The following ZNF879 variants were observed in gnomAD, a reference collection of about 807,000 sequenced individuals.
The protein encoded by ZNF879 is zinc finger protein 879.
A neutral mutation model predicts 44.3 loss-of-function variants in ZNF879; 32 were observed. The observed-to-expected ratio is 0.72, with a 90% CI of 0.54 to 0.97. ZNF879 has a LOEUF of 0.97. Among genes scored for constraint, ZNF879 ranks in the 50% least tolerant of loss-of-function variants. The probability of loss-of-function intolerance (pLI) is 0.00; values close to 1 mark genes in which losing one functional copy is unlikely to be tolerated. For synonymous variants in ZNF879, 234 were observed against 233.2 expected (o/e 1.00, Z -0.03); for missense variants, 621 against 669.7 (o/e 0.93, Z 0.80).
At chr5:179,025,413 C>T (rs1761236268) in intron 2 of ZNF879, among the ~76,000 whole-genome samples, 1 of 151,962 alleles carries the variant, frequency 6.6e-6, no homozygotes, top group South Asian at 2.1e-4. Flanking sequence ...TGGTCTTGAA[C>T]TCCTGACCTC....
chr5:179,025,126 G>A, intron 2 of ZNF879, 89 bp downstream of exon 2: 2 of 1,431,598 alleles, frequency 1.4e-6, no homozygotes, highest in Non-Finnish European at 1.9e-6. Flanking sequence ...TCTACCCAGT[G>A]AAGCTCAGGG....
chr5:179,031,174 A>G lies in ZNF879; in HGVS notation c.257-1031A>G, dbSNP rs142491827. Among the ~76,000 whole-genome samples the G allele has an allele frequency of 1.8e-3, 272 of 152,262 alleles. 1 individual carries two copies. Among genetic ancestry groups the G allele is most frequent in the African/African-American group, 6.2e-3 (256 of 41,532 alleles). ...CCGGCCCCATTACAGTTTGTTTTTCATATAGCAACCAGAGTGATCCTTTTT... is the reference window on the plus strand; with the variant it reads ...CCGGCCCCATTACAGTTTGTTTTTCGTATAGCAACCAGAGTGATCCTTTTT... On this transcript the variant is annotated intron_variant, in intron 4 of 4. Transcript: ENST00000444149.
In ZNF879 at chr5:179,028,039, C is replaced by CT; in HGVS notation, c.172dup (p.Ser58PhefsTer40). 1 of 1,551,522 alleles carries CT rather than the reference C, an allele frequency of 6.4e-7. No homozygotes were observed. The highest frequency in any genetic ancestry group is 8.7e-7 in the Non-Finnish European group (1 of 1,146,924). ...TTTCTTGTTCATGAACAGGGATTCTCTTTTCCAAGCCAAAGGTCATCTCCC... is the reference window on the plus strand; with the variant it reads ...TTTCTTGTTCATGAACAGGGATTCTCTTTTTCCAAGCCAAAGGTCATCTCCC... On this transcript the variant is annotated frameshift_variant, in exon 4 of 5. Coordinates refer to ENST00000444149, the MANE Select transcript of ZNF879 (RefSeq NM_001136116.3). LOFTEE classifies it high-confidence loss of function.
chr5:179,023,994 T>C (rs6859576), intron 1 of ZNF879, 90 bp downstream of exon 1: 44,789 of 151,972 alleles, frequency 0.29, 7,189 homozygotes, highest in African/African-American at 0.43. Flanking sequence ...GTCTGCCGAG[T>C]CCCCGGCTCC....
chr5:179,029,471 A>G (rs1353476251), intron 4 of ZNF879, among the ~76,000 whole-genome samples: 2 of 152,346 alleles, frequency 1.3e-5, no homozygotes, highest in East Asian at 1.9e-4. Context: ...TCAATCAGAC[A>G]TCTAGAAAAT....
intron 4 of ZNF879, among the ~76,000 whole-genome samples, chr5:179,028,362 A>G (rs766543216): frequency 2.0e-5 from 3 of 152,226 alleles, no homozygotes; most frequent in Admixed American, 6.5e-5. Flanking sequence ...GTAATACAGT[A>G]TATCATGTGT....
At chr5:179,026,252 T>G (rs967742444) in intron 2 of ZNF879, among the ~76,000 whole-genome samples, 3 of 152,182 alleles carry the variant, frequency 2.0e-5, no homozygotes, top group African/African-American at 7.2e-5. Flanking sequence ...CTAGATCATC[T>G]GTACACTGAA....
intron 4 of ZNF879, 126 bp from the exon 5 acceptor site, chr5:179,032,079 C>T (rs1255091402): frequency 1.3e-5 from 10 of 773,080 alleles, no homozygotes; most frequent in Admixed American, 3.4e-5. Flanking sequence ...TTCCTTCCTC[C>T]TCTTCTTTTT....
chr5:179,032,988 C>T lies in ZNF879; in HGVS notation c.1040C>T (p.Thr347Ile). 2 of 1,556,632 alleles carry T rather than the reference C, an allele frequency of 1.3e-6. No homozygotes were observed. Among genetic ancestry groups the T allele is most frequent in the South Asian group, 1.2e-5 (1 of 84,554 alleles). ...ACTGGGGAGAAACCGTATGAATGTA[C>T]TCAGTGTGGGAAAGCCTTCACTTCA... Reference protein sequence around the residue: ...IHTGEKPYECTQCGKAFTSIS... With the variant: ...IHTGEKPYECIQCGKAFTSIS... The change falls in exon 5 of 5, where the codon ACT becomes ATT. Residue 347 changes from threonine (T) to isoleucine (I), a missense_variant. By Grantham distance (89) the Thr-to-Ile change is moderately conservative. Coordinates refer to ENST00000444149, the MANE Select transcript of ZNF879 (RefSeq NM_001136116.3).
At chr5:179,027,686 G>T (rs979518848) in intron 3 of ZNF879, 87 bp downstream of exon 3, 2 of 1,521,656 alleles carry the variant, frequency 1.3e-6, no homozygotes, top group Non-Finnish European at 1.8e-6. Context: ...TGGCCAGGTC[G>T]GCTCACAGGT....
intron 4 of ZNF879, among the ~76,000 whole-genome samples, chr5:179,029,889 A>C (rs1009764813): frequency 1.3e-5 from 2 of 152,212 alleles, no homozygotes; most frequent in African/African-American, 4.8e-5. Flanking sequence ...TGAGAGGACT[A>C]TATTGTATGT....
rs1009032806 is a variant in ZNF879, at chr5:179,034,712, A to G, written c.*1072A>G. On this transcript the variant is annotated 3_prime_UTR_variant, in exon 5 of 5. Transcript: ENST00000444149. ...ATGGACTTACACTCTTCAACAAGTG[A>G]TTTAGCTCATTTCAGCATTTCTAAA... is the stretch of plus-strand genomic sequence containing the variant. 1 of 152,246 alleles carries G rather than the reference A, an allele frequency of 6.6e-6. No homozygotes were observed. Among genetic ancestry groups the G allele is most frequent in the African/African-American group, 2.4e-5 (1 of 41,458 alleles). 9.4% of individuals were successfully genotyped at this position (152,246 alleles called of 1,614,324 possible). A position where few individuals can be genotyped will look rare whatever the true frequency, so the allele number is the denominator to read the frequency against.
At chr5:179,029,024 T>C (rs1761350889) in intron 4 of ZNF879, among the ~76,000 whole-genome samples, 1 of 152,126 alleles carries the variant, frequency 6.6e-6, no homozygotes. Flanking sequence ...GTGTGCAATA[T>C]CTGTACGTGT....
At position 179,033,653 on chromosome 5, in the gene ZNF879, A is replaced by G. The variant is rs1761502489; in HGVS notation, c.*13A>G. On this transcript the variant is annotated 3_prime_UTR_variant, in exon 5 of 5. Coordinates refer to ENST00000444149, the MANE Select transcript of ZNF879 (RefSeq NM_001136116.3). The stretch of plus-strand genomic sequence containing the variant: ...GACTCATAATTGAGAAAAACTGTAT[A>G]AATGCATGTAGGAACTGAAGTTATA... 6.8e-7 allele frequency: 1 copy of G among 1,464,396 alleles called. No homozygotes were observed. Among genetic ancestry groups the G allele is most frequent in the African/African-American group, 1.4e-5 (1 of 69,864 alleles). The allele number at this position is 1,464,396 out of a possible 1,614,324, so 90.7% of individuals were successfully genotyped here.
chr5:179,033,552 C>T lies in ZNF879; in HGVS notation c.1604C>T (p.Thr535Ile). ...CTTATGACACACATGAGAATTCATA[C>T]AGGGGAAAAACCTTATAAATGTAAA... ...SSLMTHMRIH[T>I]GEKPYKCKEC... is the part of the protein sequence containing the mutation. Residue 535 changes from threonine (T) to isoleucine (I), a missense_variant, in exon 5 of 5, where the codon ACA (threonine) becomes ATA (isoleucine). Thr to Ile is a moderately conservative substitution (Grantham distance 89). Coordinates refer to ENST00000444149, the MANE Select transcript of ZNF879 (RefSeq NM_001136116.3). The T allele has an allele frequency of 1.3e-6, 2 of 1,553,046 alleles. No homozygotes were observed. Among genetic ancestry groups the T allele is most frequent in the Non-Finnish European group, 1.7e-6 (2 of 1,147,986 alleles).
chr5:179,024,839 C>T (rs1284017825), intron 1 of ZNF879, 131 bp from the exon 2 acceptor site: 4 of 671,402 alleles, frequency 6.0e-6, no homozygotes, highest in African/African-American at 3.6e-5. Flanking sequence ...ACTTAGGGCC[C>T]CTCTGGCCTG....
chr5:179,032,306 A>G lies in ZNF879; in HGVS notation c.358A>G (p.Thr120Ala), dbSNP rs1426947861. Residue 120 changes from threonine to alanine, a missense_variant, in exon 5 of 5, where the codon ACC (threonine) becomes GCC (alanine). Physicochemically the swap from Thr to Ala is moderately conservative, Grantham distance 58. Transcript: ENST00000444149. ...DGTFDFKLEK[T>A]YINEDKLEKQ... Reference sequence around the variant, plus strand: ...CACATTTGACTTCAAGTTGGAGAAGACCTACATAAATGAAGATAAGTTAGA... The same window carrying G: ...CACATTTGACTTCAAGTTGGAGAAGGCCTACATAAATGAAGATAAGTTAGA... 3 of 1,550,596 alleles carry G rather than the reference A, an allele frequency of 1.9e-6. No homozygotes were observed. Among genetic ancestry groups the G allele is most frequent in the South Asian group, 2.4e-5 (2 of 83,506 alleles).
intron 2 of ZNF879, 129 bp downstream of exon 2, chr5:179,025,166 C>T (rs1184135860): frequency 1.0e-6 from 1 of 996,068 alleles, no homozygotes; most frequent in African/African-American, 1.6e-5. Flanking sequence ...AGCTGAGAAA[C>T]TCTGGAAGGA....
chr5:179,031,253 A>T (rs1249351136), intron 4 of ZNF879, among the ~76,000 whole-genome samples: 1 of 152,162 alleles, frequency 6.6e-6, no homozygotes, highest in Admixed American at 6.5e-5. Context: ...ATGCTGATGA[A>T]CTTCCAATAT....
Sources: gnomAD v4.1 joint callset for allele counts (sites outside exome capture counted in the v4.1 genomes callset) on GRCh38, gnomAD v4.1.1 for gene constraint, MANE v1.5 for transcripts, NCBI Gene and HGNC (gene_info 2026-07-23, HGNC 2026-07-21) for gene names.